Variants in MGRN1 observed in about 807,000 individuals in gnomAD.
MGRN1 encodes E3 ubiquitin-protein ligase MGRN1.
MGRN1 carries 29 observed loss-of-function variants against 69.2 expected under a neutral mutation model. That is an observed-to-expected ratio of 0.42 (90% CI 0.31 to 0.57). The LOEUF is 0.57. MGRN1 is among the 20% of genes least tolerant of loss of function. The pLI, the probability that MGRN1 is intolerant of heterozygous loss-of-function variation, is 0.15. For missense variants in MGRN1, 998 were observed against 796.2 expected (o/e 1.25, Z -3.05); for synonymous variants, 470 against 344.2 (o/e 1.37, Z -4.04).
At chr16:4,665,764 G>C (rs2078789788) in intron 7 of MGRN1, among the ~76,000 whole-genome samples, 1 of 150,380 alleles carries the variant, frequency 6.6e-6, no homozygotes, top group African/African-American at 2.5e-5. Flanking sequence ...CTGCCTCCCA[G>C]GTTCAAGCGA....
chr16:4,645,777 C>T (rs1351693297), intron 1 of MGRN1, among the ~76,000 whole-genome samples: 2 of 152,136 alleles, frequency 1.3e-5, no homozygotes, highest in African/African-American at 2.4e-5. Context: ...GCCTCGGAGG[C>T]TACTGGGACC....
chr16:4,682,994 C>T (rs760636083), intron 14 of MGRN1, 48 bp downstream of exon 14: 41 of 1,499,096 alleles, frequency 2.7e-5, no homozygotes, highest in Non-Finnish European at 3.7e-5. Flanking sequence ...GGCCAGCCCT[C>T]CTCCAGCTTC....
At chr16:4,642,277 TG>T (rs1171295391) in intron 1 of MGRN1, among the ~76,000 whole-genome samples, 1 of 151,794 alleles carries the variant, frequency 6.6e-6, no homozygotes, top group South Asian at 2.1e-4. Flanking sequence ...ATTACAGGCA[TG>T]AGCTAATTTT....
At position 4,690,870 on chromosome 16, in the gene MGRN1, G is replaced by C. The variant is rs2079443207; in HGVS notation, c.*1962G>C. On this transcript the variant is annotated 3_prime_UTR_variant, in exon 17 of 17. Transcript: ENST00000262370. ...CTTTGCGTGAAGTTCGGGCCGCAGAGTGGCCCGCTGGGACTCCCATGTGCT... is the reference window on the plus strand; with the variant it reads ...CTTTGCGTGAAGTTCGGGCCGCAGACTGGCCCGCTGGGACTCCCATGTGCT... 1 of 150,976 alleles carries C rather than the reference G, an allele frequency of 6.6e-6. No individual in the cohort carries two copies. 9.4% of individuals were successfully genotyped at this position (150,976 alleles called of 1,614,324 possible). A position where few individuals can be genotyped will look rare whatever the true frequency, so the allele number is the denominator to read the frequency against.
intron 1 of MGRN1, among the ~76,000 whole-genome samples, chr16:4,639,476 G>A (rs1401950211): frequency 2.0e-5 from 3 of 152,178 alleles, no homozygotes; most frequent in Non-Finnish European, 4.4e-5. Flanking sequence ...TCACCATTGG[G>A]CATCATTAGG....
At chr16:4,688,433 A>C in intron 16 of MGRN1, 1 of 1,052,532 alleles carries the variant, frequency 9.5e-7, no homozygotes. Flanking sequence ...ACCCAGCCGT[A>C]AGAACCTTGG....
rs1183325578 is a variant in MGRN1, at chr16:4,671,334, G to A, written c.727-57G>A. The A allele has an allele frequency of 2.6e-6, 4 of 1,562,894 alleles. No homozygotes were observed. In the African/African-American group the frequency reaches 4.1e-5, roughly 16 times the overall value. ...GGCAGGGCTAGGCCAGGTGGGTATGGAGGAGCCCTCATATGGCAGTTGGCG... is the reference window on the plus strand; with the variant it reads ...GGCAGGGCTAGGCCAGGTGGGTATGAAGGAGCCCTCATATGGCAGTTGGCG... On this transcript the variant is annotated intron_variant, in intron 8 of 16. Coordinates refer to ENST00000262370, the MANE Select transcript of MGRN1 (RefSeq NM_015246.4).
At chr16:4,652,202 G>A (rs557958709) in intron 3 of MGRN1, 151 bp downstream of exon 3, 368 of 718,370 alleles carry the variant, frequency 5.1e-4, no homozygotes, top group Non-Finnish European at 2.9e-4. Flanking sequence ...CCTGGGCTGA[G>A]CGAGGGAAAG....
rs1213912380 is a variant in MGRN1 at position 4,683,382 on chromosome 16, AC to A, written c.1528+116del. ...GGCCAGCACCTCTTCTGCCCCAGGA[AC>A]CCTCGGCCAAGAGGCCCCCCTCGGC... On this transcript the variant is annotated intron_variant, in intron 15 of 16. Transcript: ENST00000262370. The A allele has an allele frequency of 1.2e-5, 15 of 1,298,464 alleles. No homozygotes were observed. In the African/African-American group the frequency reaches 1.3e-4, roughly 12 times the overall value. 80.4% of individuals were successfully genotyped at this position (1,298,464 alleles called of 1,614,324 possible).
intron 16 of MGRN1, 95 bp downstream of exon 16, chr16:4,684,027 G>A: frequency 9.0e-7 from 1 of 1,106,044 alleles, no homozygotes; most frequent in East Asian, 2.6e-5. Flanking sequence ...TAGCAGCAGA[G>A]GCTGTCCATT....
chr16:4,652,117 G>T, intron 3 of MGRN1, 66 bp downstream of exon 3: 1 of 1,501,888 alleles, frequency 6.7e-7, no homozygotes, highest in Non-Finnish European at 9.1e-7. Flanking sequence ...GGAGGTTCTG[G>T]CTTGATGCTT....
At position 4,683,848 on chromosome 16, in the gene MGRN1, C is replaced by A. The variant is rs199984936; in HGVS notation, c.1534C>A (p.Arg512=). 1 of 1,612,240 alleles carries A rather than the reference C, an allele frequency of 6.2e-7. No homozygotes were observed. Among genetic ancestry groups the A allele is most frequent in the Admixed American group, 1.7e-5 (1 of 59,940 alleles). Residue 512 remains arginine, a synonymous_variant, in exon 16 of 17, where the codon CGA becomes AGA. Coordinates refer to ENST00000262370, the MANE Select transcript of MGRN1 (RefSeq NM_015246.4). ...DESSSPQQGT[R]AASIENVLQD... is the part of the protein sequence containing the mutation. ...ACCTCACCCTCTGCCTGCAGGGACCCGAGCAGCTTCCATTGAGAATGTCCT... is the reference window on the plus strand; with the variant it reads ...ACCTCACCCTCTGCCTGCAGGGACCAGAGCAGCTTCCATTGAGAATGTCCT...
intron 10 of MGRN1, among the ~76,000 whole-genome samples, chr16:4,676,684 C>T (rs528256808): frequency 6.6e-6 from 1 of 152,252 alleles, no homozygotes; most frequent in East Asian, 1.9e-4. Context: ...GTTCGGTTTC[C>T]TGGCCTGCAC....
intron 7 of MGRN1, 115 bp from the exon 8 acceptor site, chr16:4,668,150 T>TTTC: frequency 1.4e-6 from 1 of 725,732 alleles, no homozygotes; most frequent in Non-Finnish European, 2.3e-6. Flanking sequence ...TTTTTTCTTT[T>TTTC]TCCAGCTGTG....
chr16:4,674,060 C>T (rs1365181872), intron 10 of MGRN1, among the ~76,000 whole-genome samples: 2 of 152,222 alleles, frequency 1.3e-5, no homozygotes, highest in African/African-American at 2.4e-5. Flanking sequence ...TCTCAGCTTA[C>T]TGTAACCTCT....
rs756842590 is a variant in MGRN1, at chr16:4,665,082, T to G, written c.629-20T>G. On this transcript the variant is annotated intron_variant, in intron 6 of 16. Transcript: ENST00000262370. ...GGGCAGGCCCCGACTCTGACTACTC[T>G]GCCCCTCTCTCCCCAGCAGTGGTGG... The G allele has an allele frequency of 6.2e-7, 1 of 1,614,038 alleles. No individual in the cohort carries two copies. Among genetic ancestry groups the G allele is most frequent in the Non-Finnish European group, 8.5e-7 (1 of 1,180,016 alleles).
At chr16:4,661,450 T>C (rs915950368) in intron 5 of MGRN1, among the ~76,000 whole-genome samples, 1 of 152,356 alleles carries the variant, frequency 6.6e-6, no homozygotes, top group Non-Finnish European at 1.5e-5. Flanking sequence ...GGTGCTGGTG[T>C]TGACTGTGTG....
At chr16:4,642,648 A>G (rs2078186819) in intron 1 of MGRN1, among the ~76,000 whole-genome samples, 1 of 151,534 alleles carries the variant, frequency 6.6e-6, no homozygotes, top group South Asian at 2.1e-4. Flanking sequence ...TTTAGTAGAA[A>G]CAGACTTTCC....
At chr16:4,680,362 CT>C (rs928814595) in intron 12 of MGRN1, 58 of 453,790 alleles carry the variant, frequency 1.3e-4, no homozygotes, top group Non-Finnish European at 1.4e-4. Context: ...TGCCGTTTCC[CT>C]TTTTTTTCTT....
Sources: allele counts gnomAD v4.1 joint callset (sites outside exome capture counted in the v4.1 genomes callset), GRCh38; gene constraint gnomAD v4.1.1; transcripts MANE v1.5; gene names NCBI Gene and HGNC (gene_info 2026-07-23, HGNC 2026-07-21).